Variants in ASIC2 observed in about 807,000 individuals in gnomAD.
ASIC2 encodes acid sensing ion channel subunit 2.
Under a neutral mutation model 57.3 loss-of-function variants are expected in ASIC2, and 25 were observed. The observed-to-expected ratio is 0.44, with a 90% CI of 0.32 to 0.61. ASIC2 has a LOEUF of 0.61. ASIC2 is among the 20% of genes least tolerant of loss of function. ASIC2 has a pLI of 0.06. For missense variants in ASIC2, 641 were observed against 738.1 expected (o/e 0.87, Z 1.52); for synonymous variants, 319 against 307.5 (o/e 1.04, Z -0.39).
chr17:33,238,754 G>A (rs1012254007), intron 1 of ASIC2, among the ~76,000 whole-genome samples: 4 of 152,232 alleles, frequency 2.6e-5, no homozygotes, highest in Non-Finnish European at 5.9e-5. Context: ...GTCTTTGCTC[G>A]GCCGGGAGCG....
At chr17:34,104,325 G>A (rs981412767) in intron 1 of ASIC2, among the ~76,000 whole-genome samples, 1 of 151,922 alleles carries the variant, frequency 6.6e-6, no homozygotes, top group African/African-American at 2.4e-5. Flanking sequence ...TATGTAAATC[G>A]TTCTAGGAGT....
intron 1 of ASIC2, among the ~76,000 whole-genome samples, chr17:33,967,292 G>A (rs1232190628): frequency 1.3e-5 from 2 of 152,096 alleles, no homozygotes; most frequent in Non-Finnish European, 2.9e-5. Flanking sequence ...CTGGAGTACA[G>A]TGGTACAGTC....
In ASIC2 at chr17:33,299,915, G is replaced by A. The variant is rs183715983; in HGVS notation, c.556-187848C>T. 3.9e-3 allele frequency among the ~76,000 whole-genome samples: 593 copies of A among 152,296 alleles called. 7 individuals are homozygous for A. The highest frequency in any genetic ancestry group is 0.013 in the African/African-American group (558 of 41,552). ...TTTCAGCGGAGGAAGTCAAGGTCCA[G>A]AGTTGGGAGAGACTTGCTGTAAATC... On this transcript the variant is annotated intron_variant, in intron 1 of 9. Coordinates refer to the ASIC2 transcript ENST00000359872.
At chr17:33,494,741 A>G (rs1309145872) in intron 1 of ASIC2, among the ~76,000 whole-genome samples, 1 of 152,206 alleles carries the variant, frequency 6.6e-6, no homozygotes, top group African/African-American at 2.4e-5. Flanking sequence ...CACACTGCCC[A>G]CTTCGGAGCA....
Position 33,515,949 on chromosome 17 carries a change from T to C in ASIC2, c.556-403882A>G, listed in dbSNP as rs541224838. On this transcript the variant is annotated intron_variant, in intron 1 of 9. Transcript: ENST00000359872. ...GGTCTCTAAAAAAAAATACAAAAAT[T>C]AGCTGGGCGTGGTGGTGTGCGCCTG... Among the ~76,000 whole-genome samples the C allele has an allele frequency of 3.3e-5, 5 of 151,964 alleles. No homozygotes were observed. In the East Asian group the frequency reaches 7.8e-4, roughly 24 times the overall value.
intron 1 of ASIC2, among the ~76,000 whole-genome samples, chr17:34,054,379 A>G (rs927504294): frequency 4.6e-5 from 7 of 151,916 alleles, no homozygotes; most frequent in Non-Finnish European, 7.4e-5. Flanking sequence ...GCCATGAAAC[A>G]TGTTAATGCA....
At chr17:33,521,480 G>A (rs1183318454) in intron 1 of ASIC2, among the ~76,000 whole-genome samples, 3 of 152,096 alleles carry the variant, frequency 2.0e-5, no homozygotes, top group South Asian at 2.1e-4. Context: ...CAACGCCCCC[G>A]AAGTCCTGGA....
At chr17:33,654,786 G>A (rs1264428755) in intron 1 of ASIC2, among the ~76,000 whole-genome samples, 2 of 152,200 alleles carry the variant, frequency 1.3e-5, no homozygotes, top group African/African-American at 4.8e-5. Flanking sequence ...CCACTAAGAA[G>A]CTCTACAGGA....
chr17:33,768,231 C>T (rs1018771921), intron 1 of ASIC2, among the ~76,000 whole-genome samples: 3 of 152,062 alleles, frequency 2.0e-5, no homozygotes, highest in Admixed American at 2.0e-4. Context: ...TGGTCTCGAT[C>T]TCCTGACCTC....
intron 1 of ASIC2, among the ~76,000 whole-genome samples, chr17:33,239,290 C>CAA (rs201050421): frequency 4.8e-5 from 7 of 145,634 alleles, no homozygotes; most frequent in African/African-American, 1.3e-4. Context: ...GACTCCGTCT[C>CAA]AAAAAAAAAA....
At chr17:33,609,556 C>A (rs1375270371) in intron 1 of ASIC2, among the ~76,000 whole-genome samples, 2 of 152,214 alleles carry the variant, frequency 1.3e-5, no homozygotes. Context: ...CCAGTAGAAG[C>A]CTTCCTGCAA....
chr17:33,852,415 C>T (rs1011676173), intron 1 of ASIC2, among the ~76,000 whole-genome samples: 7 of 152,132 alleles, frequency 4.6e-5, no homozygotes, highest in Non-Finnish European at 8.8e-5. Context: ...ACTTCAGGTC[C>T]TCTCTGTGGG....
rs140369112 is a variant in ASIC2, at chr17:33,897,797, G to A, written c.555+258181C>T. On this transcript the variant is annotated intron_variant, in intron 1 of 9. Coordinates refer to the ASIC2 transcript ENST00000359872. ...GGAGAGGGGAGCCCACCAGTGGCTG[G>A]AAACTCTGGGAAAGGGGCCTGTTGT... is the stretch of plus-strand genomic sequence containing the variant. Among the ~76,000 whole-genome samples, 336 of 152,338 alleles carry A rather than the reference G, an allele frequency of 2.2e-3. 2 individuals carry two copies. Among genetic ancestry groups the A allele is most frequent in the African/African-American group, 7.8e-3 (326 of 41,580 alleles).
At chr17:33,781,284 C>T (rs1027677861) in intron 1 of ASIC2, among the ~76,000 whole-genome samples, 21 of 152,336 alleles carry the variant, frequency 1.4e-4, no homozygotes, top group East Asian at 9.6e-4. Flanking sequence ...GAGCCCGAGA[C>T]GCCTCTCCAC....
chr17:33,405,026 C>T (rs555306706), intron 1 of ASIC2, among the ~76,000 whole-genome samples: 142 of 149,708 alleles, frequency 9.5e-4, no homozygotes, highest in Non-Finnish European at 1.6e-3. Flanking sequence ...TTGTCTTGAA[C>T]GCCAGGACAC....
intron 1 of ASIC2, among the ~76,000 whole-genome samples, chr17:33,583,823 G>C (rs1309249632): frequency 6.6e-6 from 1 of 152,138 alleles, no homozygotes; most frequent in Non-Finnish European, 1.5e-5. Flanking sequence ...ATTTTATTCA[G>C]TCACAGCATG....
chr17:33,708,864 C>T (rs1254109408), intron 1 of ASIC2, among the ~76,000 whole-genome samples: 1 of 152,150 alleles, frequency 6.6e-6, no homozygotes, highest in Non-Finnish European at 1.5e-5. Flanking sequence ...AGCAGGAGCC[C>T]TGTTTCAAAA....
chr17:33,811,105 A>G (rs1320872758), intron 1 of ASIC2, among the ~76,000 whole-genome samples: 1 of 152,198 alleles, frequency 6.6e-6, no homozygotes, highest in Non-Finnish European at 1.5e-5. Flanking sequence ...CTGAATCACA[A>G]GGTTCAGTAG....
At chr17:33,157,902 A>C (rs1010144662) in intron 1 of ASIC2, among the ~76,000 whole-genome samples, 1 of 152,098 alleles carries the variant, frequency 6.6e-6, no homozygotes, top group South Asian at 2.1e-4. Flanking sequence ...ATCACCTACC[A>C]CTTCTCCCCA....
Sources: allele counts gnomAD v4.1 joint callset (sites outside exome capture counted in the v4.1 genomes callset), GRCh38; gene constraint gnomAD v4.1.1; transcripts MANE v1.5; gene names NCBI Gene and HGNC (gene_info 2026-07-23, HGNC 2026-07-21).